The following CAMTA1 variants were observed in gnomAD, a reference collection of about 807,000 sequenced individuals.
The protein encoded by CAMTA1 is calmodulin binding transcription activator 1, also known as calmodulin-binding transcription activator 1.
CAMTA1 carries 27 observed loss-of-function variants against 170.9 expected under a neutral mutation model. The observed-to-expected ratio is 0.16, with a 90% confidence interval of 0.12 to 0.22. CAMTA1 has a LOEUF of 0.22. Among genes scored for constraint, CAMTA1 ranks in the 10% least tolerant of loss-of-function variants. The probability of loss-of-function intolerance (pLI) is 1.00; values close to 1 mark genes in which losing one functional copy is unlikely to be tolerated. For synonymous variants in CAMTA1, 833 were observed against 891.5 expected (o/e 0.93, Z 1.17); for missense variants, 1,619 against 2,217.2 (o/e 0.73, Z 5.42).
chr1:7,017,590 A>T (rs1162874894), intron 3 of CAMTA1, among the ~76,000 whole-genome samples: 1 of 152,206 alleles, frequency 6.6e-6, no homozygotes, highest in Non-Finnish European at 1.5e-5. Flanking sequence ...CTAGTCTTTA[A>T]ATGAGGAGTG....
At chr1:7,200,606 C>G (rs1251962549) in intron 4 of CAMTA1, among the ~76,000 whole-genome samples, 1 of 152,108 alleles carries the variant, frequency 6.6e-6, no homozygotes. Context: ...TGCAGCATGT[C>G]CCTCAGTTCT....
At chr1:7,273,913 G>T (rs1261487535) in intron 5 of CAMTA1, among the ~76,000 whole-genome samples, 3 of 152,056 alleles carry the variant, frequency 2.0e-5, no homozygotes, top group African/African-American at 7.2e-5. Context: ...TTTGTTGAAG[G>T]TAGAATACTA....
intron 6 of CAMTA1, among the ~76,000 whole-genome samples, chr1:7,557,381 G>A (rs952609940): frequency 8.6e-5 from 13 of 151,684 alleles, no homozygotes; most frequent in African/African-American, 2.9e-4. Flanking sequence ...CCGGCCAAGC[G>A]GACAGACCAG....
intron 4 of CAMTA1, among the ~76,000 whole-genome samples, chr1:7,172,186 G>C (rs895800181): frequency 2.0e-5 from 3 of 151,824 alleles, no homozygotes; most frequent in African/African-American, 7.2e-5. Flanking sequence ...GAGTCTCGCT[G>C]TTGCCCAGGC....
At chr1:7,401,267 G>A (rs1289463600) in intron 5 of CAMTA1, among the ~76,000 whole-genome samples, 3 of 152,296 alleles carry the variant, frequency 2.0e-5, no homozygotes, top group Non-Finnish European at 4.4e-5. Context: ...TGAAATGACT[G>A]TCCTTTTTCC....
intron 6 of CAMTA1, among the ~76,000 whole-genome samples, chr1:7,610,079 C>G (rs2095513517): frequency 6.6e-6 from 1 of 152,188 alleles, no homozygotes; most frequent in African/African-American, 2.4e-5. Flanking sequence ...CTGCCAGATT[C>G]TGCAACGGAG....
chr1:7,019,841 G>A (rs1328136126), intron 3 of CAMTA1, among the ~76,000 whole-genome samples: 14 of 152,312 alleles, frequency 9.2e-5, no homozygotes, highest in Admixed American at 5.9e-4. Flanking sequence ...CCAGCTCCCC[G>A]GCACCTGCTC....
At position 7,208,627 on chromosome 1, in the gene CAMTA1, GC is replaced by G. The variant is rs532927609; in HGVS notation, c.303-40863del. Among the ~76,000 whole-genome samples the G allele has an allele frequency of 1.1e-4, 17 of 152,318 alleles. No homozygotes were observed. In the East Asian group the frequency reaches 2.9e-3, roughly 26 times the overall value. On this transcript the variant is annotated intron_variant, in intron 4 of 22. Transcript: ENST00000303635. ...TTTGCTCTTGTGGGTCCGAGAAGAGGCGCTTAAATTGCCCAGTGTTCATTGA... is the reference window on the plus strand; with the variant it reads ...TTTGCTCTTGTGGGTCCGAGAAGAGGGCTTAAATTGCCCAGTGTTCATTGA...
intron 11 of CAMTA1, among the ~76,000 whole-genome samples, chr1:7,730,900 AAG>A: frequency 7.1e-6 from 1 of 141,430 alleles, no homozygotes; most frequent in Non-Finnish European, 1.5e-5. Flanking sequence ...TTCCATCTCA[AAG>A]TCTCAATCTC....
chr1:7,668,636 C>T (rs1027229804), intron 9 of CAMTA1, among the ~76,000 whole-genome samples: 2 of 152,086 alleles, frequency 1.3e-5, no homozygotes, highest in East Asian at 1.9e-4. Flanking sequence ...CTCAGGCACG[C>T]GCGTCACCAC....
In CAMTA1 at chr1:7,703,025, C is replaced by T. The variant is rs561985952; in HGVS notation, c.2914+25292C>T. On this transcript the variant is annotated intron_variant, in intron 11 of 22. Coordinates refer to ENST00000303635, the MANE Select transcript of CAMTA1 (RefSeq NM_015215.4). ...CAGCTAGCAACGAGCCCACTCTGAA[C>T]CCAGGGGGGTTGGTTTCCCGAGCCT... Among the ~76,000 whole-genome samples the T allele has an allele frequency of 4.6e-5, 7 of 152,294 alleles. No homozygotes were observed. In the Middle Eastern group the frequency reaches 0.017, roughly 370 times the overall value.
intron 3 of CAMTA1, among the ~76,000 whole-genome samples, chr1:6,863,213 A>C (rs534012814): frequency 6.6e-6 from 1 of 152,332 alleles, no homozygotes; most frequent in South Asian, 2.1e-4. Context: ...AGCAAATTTC[A>C]AATAAACAAT....
chr1:7,661,863 C>G lies in CAMTA1; in HGVS notation c.802C>G (p.Leu268Val), dbSNP rs1415572220. The G allele has an allele frequency of 2.5e-6, 4 of 1,609,366 alleles. No homozygotes were observed. Among genetic ancestry groups the G allele is most frequent in the African/African-American group, 1.3e-5 (1 of 75,002 alleles). ...RTHNCLCTGSLGAGGSVHHKC... is the reference protein window; with the variant it reads ...RTHNCLCTGSVGAGGSVHHKC... ...CCACAACTGCCTCTGCACCGGCAGC[C>G]TGGGTGAGCCGGGGCTCCCGGGGCA... The change falls in exon 8 of 23, where the codon CTG (leucine) becomes GTG (valine). Residue 268 changes from leucine (L) to valine (V), a missense_variant. Physicochemically the swap from Leu to Val is conservative, Grantham distance 32 (BLOSUM62 1). Transcript: ENST00000303635.
intron 3 of CAMTA1, among the ~76,000 whole-genome samples, chr1:7,060,089 G>A (rs1707979671): frequency 6.6e-6 from 1 of 152,138 alleles, no homozygotes; most frequent in Admixed American, 6.5e-5. Flanking sequence ...GTCTTAAGTG[G>A]GTAATTTGCA....
intron 3 of CAMTA1, among the ~76,000 whole-genome samples, chr1:7,085,164 G>A (rs1167728030): frequency 6.6e-6 from 1 of 152,192 alleles, no homozygotes; most frequent in Non-Finnish European, 1.5e-5. Context: ...CGTGCCTTGT[G>A]TTGTGGCTCA....
At chr1:6,953,365 G>C (rs773104357) in intron 3 of CAMTA1, among the ~76,000 whole-genome samples, 1 of 152,228 alleles carries the variant, frequency 6.6e-6, no homozygotes, top group Non-Finnish European at 1.5e-5. Flanking sequence ...CCCCGGGAAC[G>C]TGGCCAAGAT....
In CAMTA1 at chr1:7,663,360, C is replaced by T. The variant is rs2095978019; in HGVS notation, c.813C>T (p.Gly271=). The change falls in exon 9 of 23, where the codon GGC becomes GGT. Residue 271 remains glycine, a synonymous_variant. Transcript: ENST00000303635. ...NCLCTGSLGA[G]GSVHHKCNSA... is the part of the protein sequence containing the mutation. ...GTGTTCCGATCTCCGCAGGAGCTGG[C>T]GGCAGCGTGCATCACAAGTGTAACA... The T allele has an allele frequency of 2.0e-6, 3 of 1,525,408 alleles. No individual in the cohort carries two copies. Among genetic ancestry groups the T allele is most frequent in the East Asian group, 2.3e-5 (1 of 43,946 alleles). The allele number at this position is 1,525,408 out of a possible 1,614,324, so 94.5% of individuals were successfully genotyped here.
intron 5 of CAMTA1, among the ~76,000 whole-genome samples, chr1:7,349,032 C>T (rs531802545): frequency 4.6e-5 from 7 of 152,244 alleles, no homozygotes; most frequent in African/African-American, 7.2e-5. Flanking sequence ...TGTGTAATCC[C>T]GTCATTTGTC....
In CAMTA1 at chr1:7,050,761, C is replaced by T. The variant is rs1199546613; in HGVS notation, c.235-40543C>T. On this transcript the variant is annotated intron_variant, in intron 3 of 22. Coordinates refer to ENST00000303635, the MANE Select transcript of CAMTA1 (RefSeq NM_015215.4). The surrounding 1 kb of genome is among the most constrained non-coding windows in gnomAD (Gnocchi z 4.8). ...GGGAGGGGAAGGAGCCCCAGGGGGC[C>T]TTGGCCTCCACGAGTTTCTAGTCCT... Among the ~76,000 whole-genome samples the T allele has an allele frequency of 6.6e-6, 1 of 152,056 alleles. No individual in the cohort carries two copies. The highest frequency in any genetic ancestry group is 2.1e-4 in the South Asian group (1 of 4,832).
Sources: allele counts gnomAD v4.1 joint callset (sites outside exome capture counted in the v4.1 genomes callset), GRCh38; gene constraint gnomAD v4.1.1; non-coding constraint Gnocchi (gnomAD v3.1); transcripts MANE v1.5; gene names NCBI Gene and HGNC (gene_info 2026-07-23, HGNC 2026-07-21).